The following CDH11 variants were observed in gnomAD, a reference collection of about 807,000 sequenced individuals.
CDH11 encodes cadherin 11.
Under a neutral mutation model 67.8 loss-of-function variants are expected in CDH11, and 11 were observed. That is an observed-to-expected ratio of 0.16 (90% CI 0.10 to 0.27). The LOEUF (loss-of-function observed/expected upper bound fraction) is 0.27, where lower values mean the gene tolerates loss of function less well. Among genes scored for constraint, CDH11 ranks in the 10% least tolerant of loss-of-function variants. The probability of loss-of-function intolerance (pLI) is 1.00; values close to 1 mark genes in which losing one functional copy is unlikely to be tolerated. For synonymous variants in CDH11, 419 were observed against 400.0 expected (o/e 1.05, Z -0.57); for missense variants, 847 against 1,031.2 (o/e 0.82, Z 2.45).
intron 1 of CDH11, among the ~76,000 whole-genome samples, chr16:65,055,002 G>C (rs1385731960): frequency 6.6e-6 from 1 of 152,230 alleles, no homozygotes; most frequent in Admixed American, 6.5e-5. Flanking sequence ...CATAGAGCCT[G>C]GTTTTGGTGA....
chr16:65,091,554 CTTT>C (rs571736697), intron 1 of CDH11, among the ~76,000 whole-genome samples: 1 of 136,288 alleles, frequency 7.3e-6, no homozygotes. Flanking sequence ...TAGGCCTTTC[CTTT>C]TTTTTTTTTT....
intron 1 of CDH11, among the ~76,000 whole-genome samples, chr16:65,107,660 T>C (rs2075086653): frequency 6.6e-6 from 1 of 152,222 alleles, no homozygotes; most frequent in Non-Finnish European, 1.5e-5. Flanking sequence ...GGTTTCAGAA[T>C]GATGTCTCAC....
At chr16:65,021,811 G>C (rs1001760192) in intron 2 of CDH11, among the ~76,000 whole-genome samples, 23 of 142,476 alleles carry the variant, frequency 1.6e-4, no homozygotes, top group Non-Finnish European at 2.8e-4. Flanking sequence ...ATGGACCCAT[G>C]AGATGTCTCC....
intron 2 of CDH11, among the ~76,000 whole-genome samples, chr16:65,043,838 G>A (rs1260098314): frequency 6.6e-6 from 1 of 152,172 alleles, no homozygotes; most frequent in Admixed American, 6.5e-5. Flanking sequence ...GTCTTGGGGG[G>A]AGGGGAGGAG....
chr16:65,027,875 G>A (rs1174939713), intron 2 of CDH11, among the ~76,000 whole-genome samples: 1 of 152,102 alleles, frequency 6.6e-6, no homozygotes, highest in African/African-American at 2.4e-5. Context: ...AGCTCACACA[G>A]CACCCACAGG....
At chr16:65,042,860 T>C (rs1287263551) in intron 2 of CDH11, among the ~76,000 whole-genome samples, 2 of 152,186 alleles carry the variant, frequency 1.3e-5, no homozygotes, top group Admixed American at 6.5e-5. Context: ...GCCCCTGTTC[T>C]CCTGCCTATC....
rs562840235 is a variant in CDH11, at chr16:64,972,737, C to T, written c.1390+167G>A. Among the ~76,000 whole-genome samples, 32 of 152,232 alleles carry T rather than the reference C, an allele frequency of 2.1e-4. No individual in the cohort carries two copies. The South Asian group carries it at 6.0e-3, about 29-fold the overall frequency. On this transcript the variant is annotated intron_variant, in intron 9 of 12. Transcript: ENST00000268603. ...GAGAAAACAAGAACATTTCCCTTTGCCTATATGTACTCCTAGAAAGATAAC... is the reference window on the plus strand; with the variant it reads ...GAGAAAACAAGAACATTTCCCTTTGTCTATATGTACTCCTAGAAAGATAAC...
chr16:65,073,597 T>C (rs983909651), intron 1 of CDH11, among the ~76,000 whole-genome samples: 4 of 152,162 alleles, frequency 2.6e-5, no homozygotes, highest in Non-Finnish European at 4.4e-5. Context: ...CTTTTTAATA[T>C]ATTGCTTTTG....
intron 2 of CDH11, among the ~76,000 whole-genome samples, chr16:65,053,489 T>C (rs1381171283): frequency 1.3e-5 from 2 of 152,234 alleles, no homozygotes; most frequent in East Asian, 3.8e-4. Context: ...AACATGGCAA[T>C]CATCTCAGTT....
chr16:65,097,768 C>G (rs1361621610), intron 1 of CDH11, among the ~76,000 whole-genome samples: 4 of 152,170 alleles, frequency 2.6e-5, no homozygotes, highest in African/African-American at 9.7e-5. Context: ...TCCCACAACA[C>G]ATGGGATCCT....
At chr16:65,008,256 AC>A (rs990882598) in intron 2 of CDH11, among the ~76,000 whole-genome samples, 2 of 152,228 alleles carry the variant, frequency 1.3e-5, no homozygotes, top group African/African-American at 2.4e-5. Flanking sequence ...TGATCAATAA[AC>A]AATAACATTC....
At chr16:65,046,153 G>A (rs1253781634) in intron 2 of CDH11, among the ~76,000 whole-genome samples, 1 of 152,212 alleles carries the variant, frequency 6.6e-6, no homozygotes, top group African/African-American at 2.4e-5. Flanking sequence ...TCTTTCAAAG[G>A]AGAGAATCCT....
At chr16:65,059,229 C>G (rs1324461323) in intron 1 of CDH11, among the ~76,000 whole-genome samples, 1 of 152,144 alleles carries the variant, frequency 6.6e-6, no homozygotes, top group Non-Finnish European at 1.5e-5. Flanking sequence ...TCCCTTCCTG[C>G]AAAATCTTCA....
At chr16:65,004,212 A>G (rs910497374) in intron 3 of CDH11, among the ~76,000 whole-genome samples, 21 of 152,094 alleles carry the variant, frequency 1.4e-4, no homozygotes, top group African/African-American at 4.8e-4. Flanking sequence ...AAAAAATGAA[A>G]TAAAATACAG....
chr16:65,114,930 G>C (rs1256970767), intron 1 of CDH11, among the ~76,000 whole-genome samples: 1 of 152,180 alleles, frequency 6.6e-6, no homozygotes, highest in African/African-American at 2.4e-5. Context: ...CTATTTATGA[G>C]TTAAAACTGT....
Position 64,971,917 on chromosome 16 carries a change from G to T in CDH11, c.1524+14C>A. ...TGCATTGTTCCTAGCCAAGAATAGG[G>T]AAAGCAGGATTACCTGGTTGGAAAG... On this transcript the variant is annotated intron_variant, in intron 10 of 12. Coordinates refer to ENST00000268603, the MANE Select transcript of CDH11 (RefSeq NM_001797.4). The T allele has an allele frequency of 6.2e-7, 1 of 1,613,620 alleles. No individual in the cohort carries two copies.
At chr16:65,055,653 C>A (rs2074130120) in intron 1 of CDH11, among the ~76,000 whole-genome samples, 1 of 152,154 alleles carries the variant, frequency 6.6e-6, no homozygotes, top group African/African-American at 2.4e-5. Flanking sequence ...GCGTTTCACC[C>A]ATACTTATTT....
At chr16:65,110,992 C>A (rs1165530714) in intron 1 of CDH11, among the ~76,000 whole-genome samples, 3 of 152,238 alleles carry the variant, frequency 2.0e-5, no homozygotes, top group African/African-American at 7.2e-5. Context: ...TATGGTTTAA[C>A]AAGACTCTGT....
chr16:65,098,469 T>C lies in CDH11; in HGVS notation c.-298+23411A>G, dbSNP rs577198248. ...TGGGAATTTATCAAATTACCCTCAT[T>C]TGTCTATGAGATGCTGGAGAATCGC... is the stretch of plus-strand genomic sequence containing the variant. On this transcript the variant is annotated intron_variant, in intron 1 of 12. Transcript: ENST00000268603. Among the ~76,000 whole-genome samples the C allele has an allele frequency of 2.0e-5, 3 of 152,238 alleles. No homozygotes were observed. The East Asian group carries it at 5.8e-4, about 29-fold the overall frequency.
Sources: gnomAD v4.1 joint callset for allele counts (sites outside exome capture counted in the v4.1 genomes callset) on GRCh38, gnomAD v4.1.1 for gene constraint, MANE v1.5 for transcripts, NCBI Gene and HGNC (gene_info 2026-07-23, HGNC 2026-07-21) for gene names.